The following PRR14L variants were observed in gnomAD, a reference collection of about 807,000 sequenced individuals.
PRR14L encodes the protein protein PRR14L.
In PRR14L, 80 loss-of-function variants were observed where a neutral mutation model predicts 155.0. The ratio of observed to expected loss-of-function variants is 0.52; its 90% CI spans 0.43 to 0.62. The LOEUF (loss-of-function observed/expected upper bound fraction) is 0.62, where lower values mean the gene tolerates loss of function less well. Among genes scored for constraint, PRR14L ranks in the 20% least tolerant of loss-of-function variants. PRR14L has a pLI of 0.00. For missense variants in PRR14L, 2,469 were observed against 2,548.0 expected (o/e 0.97, Z 0.67); for synonymous variants, 883 against 916.0 (o/e 0.96, Z 0.65).
rs767038989 is a variant in PRR14L, at chr22:31,712,189, C to G, written c.5650G>C (p.Val1884Leu). The change falls in exon 4 of 9, where the codon GTC becomes CTC. Residue 1884 changes from valine (V) to leucine (L), a missense_variant. This residue lies in a region of PRR14L where 2,363 missense variants were observed against 2,371.6 expected (regional missense o/e 1.00). Transcript: ENST00000327423. ...CCATGCTGGCTCCAAATGGATAGGA[C>G]TCTGCCCACCGAGTAGGGCAGAGAA... ...FCSLPYSVGRVLSIWSQHGPS... is the reference protein window; with the variant it reads ...FCSLPYSVGRLLSIWSQHGPS... 6.1e-5 allele frequency: 98 copies of G among 1,614,070 alleles called. No homozygotes were observed. The highest frequency in any genetic ancestry group is 7.7e-5 in the Non-Finnish European group (91 of 1,180,040).
chr22:31,688,901 T>TACACACACACAC (rs149232375), intron 7 of PRR14L, among the ~76,000 whole-genome samples: 9,216 of 147,752 alleles, frequency 0.062, 333 homozygotes, highest in African/African-American at 0.12. Flanking sequence ...AATATATACA[T>TACACACACACAC]ACACACACAC....
intron 1 of PRR14L, among the ~76,000 whole-genome samples, chr22:31,740,353 G>A (rs1010520330): frequency 5.9e-5 from 9 of 152,190 alleles, no homozygotes; most frequent in African/African-American, 2.2e-4. Flanking sequence ...CAGAGTAGCT[G>A]GGACTACAGG....
chr22:31,713,858 C>T lies in PRR14L; in HGVS notation c.3981G>A (p.Val1327=). ...NSSDRHLPLT[V]KTDIKVKGEE... ...CTCCTTTCACTTTAATATCTGTTTT[C>T]ACTGTCAAAGGCAAATGTCTGTCAG... Residue 1327 remains valine (V), a synonymous_variant, in exon 4 of 9, where the codon GTG becomes GTA. Coordinates refer to ENST00000327423, the MANE Select transcript of PRR14L (RefSeq NM_173566.3). The T allele has an allele frequency of 6.4e-7, 1 of 1,552,250 alleles. No homozygotes were observed. The highest frequency in any genetic ancestry group is 8.7e-7 in the Non-Finnish European group (1 of 1,147,116).
intron 1 of PRR14L, among the ~76,000 whole-genome samples, chr22:31,746,017 A>G (rs1280168844): frequency 6.6e-6 from 1 of 151,762 alleles, no homozygotes; most frequent in Non-Finnish European, 1.5e-5. Flanking sequence ...TATAACTTCA[A>G]ACTCTGGACT....
chr22:31,688,070 TAA>T, intron 8 of PRR14L, 84 bp downstream of exon 8: 2 of 1,149,088 alleles, frequency 1.7e-6, no homozygotes, highest in Non-Finnish European at 2.4e-6. Flanking sequence ...CAACTGAACA[TAA>T]ACTCTTTCTA....
Position 31,715,608 on chromosome 22 carries a change from T to C in PRR14L, c.2231A>G (p.Lys744Arg), listed in dbSNP as rs1175233016. Residue 744 changes from lysine to arginine, a missense_variant, in exon 4 of 9, where the codon AAG becomes AGG. Around this residue, in one of 2 missense-constraint regions of PRR14L, gnomAD observed 2,363 missense variants for 2,371.6 expected, o/e 1.00. Coordinates refer to ENST00000327423, the MANE Select transcript of PRR14L (RefSeq NM_173566.3). ...TTTTGTTCCTGAATCAGCCATTTCC[T>C]TTTTTCTCTCTAGGCTTACTGGTTT... The part of the protein sequence containing the change: ...NIKPVSLERK[K>R]EMADSGTKAL... The C allele has an allele frequency of 2.6e-6, 4 of 1,552,034 alleles. No homozygotes were observed. The South Asian group carries it at 3.6e-5, about 14-fold the overall frequency.
At chr22:31,722,089 C>T (rs2074693344) in intron 3 of PRR14L, among the ~76,000 whole-genome samples, 1 of 152,142 alleles carries the variant, frequency 6.6e-6, no homozygotes, top group Admixed American at 6.6e-5. Context: ...CATGCAAACA[C>T]TTAATGAAAC....
intron 1 of PRR14L, among the ~76,000 whole-genome samples, chr22:31,747,410 G>C (rs2074844848): frequency 1.3e-5 from 2 of 150,090 alleles, no homozygotes; most frequent in South Asian, 4.3e-4. Flanking sequence ...CACCGCGCCT[G>C]GCCTCTCCCA....
At position 31,701,679 on chromosome 22, in the gene PRR14L, G is replaced by C; in HGVS notation, c.6084C>G (p.Pro2028=). The C allele has an allele frequency of 1.2e-6, 2 of 1,612,830 alleles. No individual in the cohort carries two copies. The highest frequency in any genetic ancestry group is 1.7e-6 in the Non-Finnish European group (2 of 1,179,384). Residue 2028 remains proline, a synonymous_variant, in exon 7 of 9, where the codon CCC becomes CCG. Coordinates refer to ENST00000327423, the MANE Select transcript of PRR14L (RefSeq NM_173566.3). ...TIPRPDPNLT[P]MGLPRPKRLK... ...ACCTTTTGGGTCGAGGAAGGCCCATGGGGGTAAGATTAGGATCTGGCCTAG... is the reference window on the plus strand; with the variant it reads ...ACCTTTTGGGTCGAGGAAGGCCCATCGGGGTAAGATTAGGATCTGGCCTAG...
intron 2 of PRR14L, among the ~76,000 whole-genome samples, chr22:31,729,161 C>A (rs978727394): frequency 2.0e-5 from 3 of 152,204 alleles, no homozygotes; most frequent in African/African-American, 7.2e-5. Flanking sequence ...AGATAGTTCA[C>A]CCTCAGCAGG....
Position 31,713,781 on chromosome 22 carries a change from T to C in PRR14L, c.4058A>G (p.Glu1353Gly), listed in dbSNP as rs1043361528. 22 of 1,552,220 alleles carry C rather than the reference T, an allele frequency of 1.4e-5. No individual in the cohort carries two copies. In the East Asian group the frequency reaches 5.1e-4, roughly 36 times the overall value. The change falls in exon 4 of 9, where the codon GAG becomes GGG. Residue 1353 changes from glutamate to glycine, a missense_variant. By Grantham distance (98) the Glu-to-Gly change is moderately conservative. Transcript: ENST00000327423. ...TCTGGTAACCAACTCCTCAGATTGC[T>C]CCCCAACAGTTAAGTAACCCAGTCG... ...RGRLGYLTVG[E>G]QSEELVTRET...
chr22:31,716,263 G>A lies in PRR14L; in HGVS notation c.1576C>T (p.Pro526Ser), dbSNP rs117719230. The A allele has an allele frequency of 6.6e-4, 1,024 of 1,551,522 alleles. 2 individuals are homozygous for A. The highest frequency in any genetic ancestry group is 6.5e-3 in the Middle Eastern group (39 of 5,992). The change falls in exon 4 of 9, where the codon CCT (proline) becomes TCT (serine). Residue 526 changes from proline (P) to serine (S), a missense_variant. Around this residue, in one of 2 missense-constraint regions of PRR14L, gnomAD observed 2,363 missense variants for 2,371.6 expected, o/e 1.00. Coordinates refer to ENST00000327423, the MANE Select transcript of PRR14L (RefSeq NM_173566.3). ...TTACTTAATATATTGGGCTCTACAG[G>A]GGTTGTCTGTCCTGCCTCTTCAATC... ...MQIEEAGQTT[P>S]VEPNILSKSF...
At chr22:31,745,438 A>G (rs2074832640) in intron 1 of PRR14L, among the ~76,000 whole-genome samples, 1 of 152,228 alleles carries the variant, frequency 6.6e-6, no homozygotes, top group Non-Finnish European at 1.5e-5. Flanking sequence ...CACACCATCT[A>G]TCAAAATATT....
In PRR14L at chr22:31,715,616, C is replaced by T. The variant is rs368085102; in HGVS notation, c.2223G>A (p.Glu741=). Residue 741 remains glutamate, a synonymous_variant, in exon 4 of 9, where the codon GAG becomes GAA. Transcript: ENST00000327423. The part of the protein sequence containing the change: ...PTLNIKPVSL[E]RKKEMADSGT... ...CTGAATCAGCCATTTCCTTTTTTCT[C>T]TCTAGGCTTACTGGTTTGATGTTTA... The T allele has an allele frequency of 3.2e-5, 50 of 1,551,912 alleles. No homozygotes were observed. In the African/African-American group the frequency reaches 5.6e-4, roughly 17 times the overall value.
intron 2 of PRR14L, among the ~76,000 whole-genome samples, chr22:31,728,714 C>CAAAA (rs773127360): frequency 3.8e-4 from 30 of 78,864 alleles, no homozygotes; most frequent in East Asian, 7.5e-4. Context: ...GACTCCATCT[C>CAAAA]AAAAAAAAAA....
At chr22:31,743,251 G>A (rs1426788252) in intron 1 of PRR14L, among the ~76,000 whole-genome samples, 1 of 152,068 alleles carries the variant, frequency 6.6e-6, no homozygotes, top group Non-Finnish European at 1.5e-5. Flanking sequence ...GCAGTGAGCC[G>A]AGATTGCGCC....
intron 1 of PRR14L, among the ~76,000 whole-genome samples, chr22:31,740,211 A>C (rs1157018891): frequency 6.6e-6 from 1 of 151,340 alleles, no homozygotes; most frequent in African/African-American, 2.4e-5. Flanking sequence ...GCACATCACC[A>C]CACCTGGCTA....
At chr22:31,748,747 C>T (rs140260976) in intron 1 of PRR14L, among the ~76,000 whole-genome samples, 3,255 of 152,232 alleles carry the variant, frequency 0.021, 46 homozygotes, top group Middle Eastern at 0.037. Context: ...GAAGTGATAC[C>T]TTCTGTGGAC....
intron 1 of PRR14L, among the ~76,000 whole-genome samples, chr22:31,742,301 C>T (rs973054380): frequency 1.3e-5 from 2 of 151,792 alleles, no homozygotes; most frequent in Admixed American, 6.6e-5. Flanking sequence ...TCTTTTTAGG[C>T]TTCACTTTCT....
Sources: gnomAD v4.1 joint callset for allele counts (sites outside exome capture counted in the v4.1 genomes callset) on GRCh38, gnomAD v4.1.1 for gene constraint, gnomAD v4.1.1 regional missense constraint, MANE v1.5 for transcripts, NCBI Gene and HGNC (gene_info 2026-07-23, HGNC 2026-07-21) for gene names.